Variants in VMP1 observed in about 807,000 individuals in gnomAD.
VMP1 encodes the protein vacuole membrane protein 1.
A neutral mutation model predicts 56.0 loss-of-function variants in VMP1; 11 were observed. The observed-to-expected ratio is 0.20, with a 90% confidence interval of 0.12 to 0.32. The LOEUF is 0.32. VMP1 is among the 10% of genes least tolerant of loss of function. VMP1 has a pLI of 1.00. For missense variants in VMP1, 296 were observed against 490.3 expected (o/e 0.60, Z 3.74); for synonymous variants, 149 against 165.0 (o/e 0.90, Z 0.74).
At chr17:59,835,487 T>G (rs1277398260) in intron 10 of VMP1, among the ~76,000 whole-genome samples, 1 of 148,540 alleles carries the variant, frequency 6.7e-6, no homozygotes, top group African/African-American at 2.5e-5. Flanking sequence ...AAATATGCAG[T>G]TTTTTGTTTT....
chr17:59,738,396 T>C (rs1451672852), intron 4 of VMP1, among the ~76,000 whole-genome samples: 1 of 152,262 alleles, frequency 6.6e-6, no homozygotes, highest in African/African-American at 2.4e-5. Context: ...GAAATGACTC[T>C]AGAATGGTAT....
At chr17:59,772,947 A>ATTTTTT (rs1488990377) in intron 6 of VMP1, among the ~76,000 whole-genome samples, 8 of 70,580 alleles carry the variant, frequency 1.1e-4, no homozygotes, top group African/African-American at 3.8e-4. Context: ...ATACTGGTGA[A>ATTTTTT]TTCTTTTTTT....
chr17:59,781,654 G>A (rs1207714687), intron 7 of VMP1, among the ~76,000 whole-genome samples: 3 of 151,876 alleles, frequency 2.0e-5, no homozygotes, highest in South Asian at 2.1e-4. Context: ...ATTTTTCCAC[G>A]CCATCAAATA....
At chr17:59,807,399 G>A (rs186023112) in intron 7 of VMP1, among the ~76,000 whole-genome samples, 75 of 151,538 alleles carry the variant, frequency 4.9e-4, no homozygotes, top group African/African-American at 1.6e-3. Flanking sequence ...AGGTTTCACC[G>A]TGTTAGTCAG....
chr17:59,801,148 G>GTGTGTGTGTGTGTGTGTA (rs1439842519), intron 7 of VMP1, among the ~76,000 whole-genome samples: 2 of 136,314 alleles, frequency 1.5e-5, no homozygotes, highest in African/African-American at 5.6e-5. Context: ...GTGTGTGTGT[G>GTGTGTGTGTGTGTGTGTA]TATGGCACAT....
At chr17:59,797,167 G>A (rs962687571) in intron 7 of VMP1, among the ~76,000 whole-genome samples, 34 of 140,260 alleles carry the variant, frequency 2.4e-4, no homozygotes, top group African/African-American at 7.9e-4. Flanking sequence ...CCCCCCCCCC[G>A]TCTCTACTAA....
intron 1 of VMP1, among the ~76,000 whole-genome samples, chr17:59,710,213 T>C (rs1184062779): frequency 2.0e-5 from 3 of 151,998 alleles, no homozygotes; most frequent in Non-Finnish European, 4.4e-5. Flanking sequence ...AAAAGAAACA[T>C]TATTATTTCA....
intron 10 of VMP1, among the ~76,000 whole-genome samples, chr17:59,832,612 G>A (rs895986344): frequency 6.8e-6 from 1 of 147,050 alleles, no homozygotes; most frequent in African/African-American, 2.5e-5. Flanking sequence ...GTTTTGTTTT[G>A]AGACAGAGTC....
In VMP1 at chr17:59,715,814, T is replaced by C. The variant is rs138353213; in HGVS notation, c.-27+8066T>C. Among the ~76,000 whole-genome samples, 338 of 152,316 alleles carry C rather than the reference T, an allele frequency of 2.2e-3. 3 individuals carry two copies. The highest frequency in any genetic ancestry group is 7.7e-3 in the African/African-American group (322 of 41,578). Reference sequence around the variant, plus strand: ...TTATTCCAAGTATGTAATAGTCCAATTTTTATTCCAAGTATATGGTGGAAA... The same window carrying C: ...TTATTCCAAGTATGTAATAGTCCAACTTTTATTCCAAGTATATGGTGGAAA... On this transcript the variant is annotated intron_variant, in intron 1 of 11. Transcript: ENST00000262291.
intron 5 of VMP1, among the ~76,000 whole-genome samples, chr17:59,755,759 G>A (rs2035818492): frequency 8.3e-6 from 1 of 120,970 alleles, no homozygotes; most frequent in Non-Finnish European, 1.7e-5. Context: ...TTTTTTTTGA[G>A]ACAGGGTCTT....
intron 7 of VMP1, among the ~76,000 whole-genome samples, chr17:59,796,793 T>C (rs1033805568): frequency 6.6e-6 from 1 of 152,222 alleles, no homozygotes; most frequent in Admixed American, 6.5e-5. Flanking sequence ...CATTTAGATT[T>C]TTTTCAATTG....
intron 5 of VMP1, among the ~76,000 whole-genome samples, chr17:59,759,563 A>G (rs8081468): frequency 0.45 from 68,426 of 152,032 alleles, 18,050 homozygotes; most frequent in African/African-American, 0.73. Context: ...ATTCTTTGTC[A>G]TTAAATCTAC....
At chr17:59,839,707 CT>C in intron 11 of VMP1, 60 bp from the exon 12 acceptor site, 1 of 1,545,434 alleles carries the variant, frequency 6.5e-7, no homozygotes, top group Non-Finnish European at 8.7e-7. Flanking sequence ...AGATGATCCT[CT>C]TTTTACTACT....
chr17:59,745,360 A>C (rs1455217694), intron 5 of VMP1, among the ~76,000 whole-genome samples: 2 of 152,218 alleles, frequency 1.3e-5, no homozygotes, highest in Non-Finnish European at 2.9e-5. Flanking sequence ...ATAGTGTGAC[A>C]AGTGTAAAAA....
chr17:59,781,870 T>C (rs1486986368), intron 7 of VMP1, among the ~76,000 whole-genome samples: 1 of 152,186 alleles, frequency 6.6e-6, no homozygotes, highest in Non-Finnish European at 1.5e-5. Context: ...TATTCCTTAT[T>C]CCCAGTAGTT....
chr17:59,763,005 T>C (rs746462773), intron 5 of VMP1, among the ~76,000 whole-genome samples: 17 of 152,302 alleles, frequency 1.1e-4, no homozygotes, highest in Admixed American at 8.5e-4. Context: ...TTTCTAACTT[T>C]AGCTGTAGAC....
chr17:59,809,304 C>CTTTTTTT (rs57274450), intron 8 of VMP1, among the ~76,000 whole-genome samples: 4 of 33,450 alleles, frequency 1.2e-4, no homozygotes, highest in East Asian at 1.2e-3. Context: ...GCCCATTCAA[C>CTTTTTTT]TTTTTTTTTT....
intron 3 of VMP1, 129 bp downstream of exon 3, chr17:59,735,602 G>T: frequency 1.0e-6 from 1 of 980,160 alleles, no homozygotes; most frequent in South Asian, 1.8e-5. Context: ...TATTACCATA[G>T]GAACATATTT....
At chr17:59,755,992 C>A (rs1423166475) in intron 5 of VMP1, among the ~76,000 whole-genome samples, 2 of 152,090 alleles carry the variant, frequency 1.3e-5, no homozygotes, top group Non-Finnish European at 2.9e-5. Context: ...CTGCCTCGGC[C>A]TCTCAAAGTG....
Sources: gnomAD v4.1 joint callset for allele counts (sites outside exome capture counted in the v4.1 genomes callset) on GRCh38, gnomAD v4.1.1 for gene constraint, MANE v1.5 for transcripts, NCBI Gene and HGNC (gene_info 2026-07-23, HGNC 2026-07-21) for gene names.